LHX9: variants seen among roughly 807,000 people sequenced by gnomAD.
LHX9 encodes LIM/homeobox protein Lhx9.
Under a neutral mutation model 36.5 loss-of-function variants are expected in LHX9, and 9 were observed. The observed-to-expected ratio is 0.25, with a 90% CI of 0.15 to 0.43. LHX9 has a LOEUF of 0.43. Among genes scored for constraint, LHX9 ranks in the 20% least tolerant of loss-of-function variants. The pLI is 1.00. For missense variants in LHX9, 464 were observed against 526.4 expected (o/e 0.88, Z 1.16); for synonymous variants, 211 against 212.1 (o/e 0.99, Z 0.04).
intron 2 of LHX9, 120 bp downstream of exon 2, chr1:197,920,294 C>T (rs1659941683): frequency 1.4e-6 from 1 of 718,712 alleles, no homozygotes; most frequent in Non-Finnish European, 2.1e-6. Flanking sequence ...GTTATCATTT[C>T]GGAGACCAGG....
rs887672618 is a variant in LHX9 at position 197,931,696 on chromosome 1, A to T, written c.*2437A>T. Reference sequence around the variant, plus strand: ...AATACCTTTGAATATATTTGCTTATAACAAAAGTAATGCCCCACTGATTTG... The same window carrying T: ...AATACCTTTGAATATATTTGCTTATTACAAAAGTAATGCCCCACTGATTTG... On this transcript the variant is annotated 3_prime_UTR_variant, in exon 5 of 5. Coordinates refer to ENST00000367387, the MANE Select transcript of LHX9 (RefSeq NM_020204.3). 1.2e-5 allele frequency: 5 copies of T among 429,366 alleles called. No homozygotes were observed. The highest frequency in any genetic ancestry group is 9.9e-5 in the African/African-American group (5 of 50,446). The allele number at this position is 429,366 out of a possible 1,614,324, so 26.6% of individuals were successfully genotyped here.
At chr1:197,923,967 C>T (rs1182697887) in intron 3 of LHX9, among the ~76,000 whole-genome samples, 1 of 152,104 alleles carries the variant, frequency 6.6e-6, no homozygotes, top group Non-Finnish European at 1.5e-5. Flanking sequence ...TTAACATCTA[C>T]TCCATCCTTT....
intron 3 of LHX9, among the ~76,000 whole-genome samples, chr1:197,924,671 T>C (rs1407648664): frequency 6.6e-6 from 1 of 152,206 alleles, no homozygotes; most frequent in Admixed American, 6.5e-5. Flanking sequence ...TCCAAACTTT[T>C]AAGGCTCCTG....
At position 197,921,554 on chromosome 1, in the gene LHX9, G is replaced by A. The variant is rs200168581; in HGVS notation, c.628G>A (p.Gly210Ser). The A allele has an allele frequency of 4.0e-4, 642 of 1,613,536 alleles. 6 individuals are homozygous for A. The East Asian group carries it at 0.013, about 31-fold the overall frequency. ...SYTELAAKSG[G>S]LALPYFNGTG... ...CACGGAGCTGGCGGCCAAGAGCGGC[G>A]GCCTGGCCCTGCCTTACTTCAACGG... Residue 210 changes from glycine (G) to serine (S), a missense_variant, in exon 3 of 5, where the codon GGC becomes AGC. Physicochemically the swap from Gly to Ser is moderately conservative, Grantham distance 56. Transcript: ENST00000367387. This position sits in a 1 kb window ranked among gnomAD's most constrained non-coding sequence, Gnocchi z 4.6.
chr1:197,916,633 C>G (rs750660536), upstream of LHX9: 15 of 702,860 alleles, frequency 2.1e-5, no homozygotes, highest in Non-Finnish European at 3.9e-5. Flanking sequence ...CCCCTACACT[C>G]TAATTTTCTC....
chr1:197,932,823 C>A lies in LHX9; in HGVS notation c.*3564C>A, dbSNP rs1437003439. 1 of 151,890 alleles carries A rather than the reference C, an allele frequency of 6.6e-6. No individual in the cohort carries two copies. The highest frequency in any genetic ancestry group is 1.5e-5 in the Non-Finnish European group (1 of 67,906). The allele number at this position is 151,890 out of a possible 1,614,324, so 9.4% of individuals were successfully genotyped here. A position where few individuals can be genotyped will look rare whatever the true frequency, so the allele number is the denominator to read the frequency against. On this transcript the variant is annotated 3_prime_UTR_variant, in exon 5 of 5. Transcript: ENST00000367387. The stretch of plus-strand genomic sequence containing the variant: ...TTAAAAATAAAAAACAAAGTGAACC[C>A]AAATTACAACAAAATAAACCTTAGA...
At position 197,931,920 on chromosome 1, in the gene LHX9, G is replaced by T; in HGVS notation, c.*2661G>T. 6.5e-7 allele frequency: 1 copy of T among 1,547,464 alleles called. No homozygotes were observed. The highest frequency in any genetic ancestry group is 8.7e-7 in the Non-Finnish European group (1 of 1,144,878). ...AATTGTCACTATGATTTTTTTCAGG[G>T]AGAACAAATCTTGGGGCATTACAGC... is the stretch of plus-strand genomic sequence containing the variant. On this transcript the variant is annotated 3_prime_UTR_variant, in exon 5 of 5. Transcript: ENST00000367387.
rs1571410403 is a variant in LHX9, at chr1:197,932,086, G to C, written c.*2827G>C. The C allele has an allele frequency of 2.1e-6, 1 of 476,450 alleles. No homozygotes were observed. The highest frequency in any genetic ancestry group is 3.5e-6 in the Non-Finnish European group (1 of 287,932). 29.5% of individuals were successfully genotyped at this position (476,450 alleles called of 1,614,324 possible). ...AAAAATTTATTAAGCCAAAAAAAAA[G>C]AGAGAGAGAGAGACTTAAATGTCAT... is the stretch of plus-strand genomic sequence containing the variant. On this transcript the variant is annotated 3_prime_UTR_variant, in exon 5 of 5. Transcript: ENST00000367387.
rs757462527 is a variant in LHX9 at position 197,917,796 on chromosome 1, A to T, written c.-28A>T. On this transcript the variant is annotated 5_prime_UTR_variant, in exon 1 of 5. An upstream start codon of the reference 5' UTR is lost. Coordinates refer to ENST00000367387, the MANE Select transcript of LHX9 (RefSeq NM_020204.3). ...CTGGTCCCTTGCCTCCTTCACTCGG[A>T]TGAGCTGAAAGCCCCGGGCGTGTGT... The T allele has an allele frequency of 1.9e-6, 3 of 1,613,972 alleles. No homozygotes were observed. The highest frequency in any genetic ancestry group is 2.5e-6 in the Non-Finnish European group (3 of 1,179,930).
At chr1:197,915,031 A>G (rs1220906583), upstream of LHX9, among the ~76,000 whole-genome samples, 1 of 152,070 alleles carries the variant, frequency 6.6e-6, no homozygotes, top group Non-Finnish European at 1.5e-5. Context: ...TTTTTCCTGG[A>G]GTTGTTTAAC....
In LHX9 at chr1:197,917,746, C is replaced by G; in HGVS notation, c.-78C>G. The stretch of plus-strand genomic sequence containing the variant: ...TCTTTCCCTCCATCCTCGAGCGTCT[C>G]TGCGCTCCTACAGGGCAGCCCTCTC... On this transcript the variant is annotated 5_prime_UTR_variant, in exon 1 of 5. Transcript: ENST00000367387. The G allele has an allele frequency of 6.2e-7, 1 of 1,605,722 alleles. No individual in the cohort carries two copies. The highest frequency in any genetic ancestry group is 8.5e-7 in the Non-Finnish European group (1 of 1,177,646).
Position 197,932,820 on chromosome 1 carries a change from A to G in LHX9, c.*3561A>G, listed in dbSNP as rs1426047910. On this transcript the variant is annotated 3_prime_UTR_variant, in exon 5 of 5. Transcript: ENST00000367387. Reference sequence around the variant, plus strand: ...GTATTAAAAATAAAAAACAAAGTGAACCCAAATTACAACAAAATAAACCTT... The same window carrying G: ...GTATTAAAAATAAAAAACAAAGTGAGCCCAAATTACAACAAAATAAACCTT... 5 of 152,224 alleles carry G rather than the reference A, an allele frequency of 3.3e-5. No homozygotes were observed. The East Asian group carries it at 9.6e-4, about 29-fold the overall frequency. 9.4% of individuals were successfully genotyped at this position (152,224 alleles called of 1,614,324 possible). A position where few individuals can be genotyped will look rare whatever the true frequency, so the allele number is the denominator to read the frequency against.
At chr1:197,924,236 C>T (rs545162989) in intron 3 of LHX9, among the ~76,000 whole-genome samples, 15 of 152,172 alleles carry the variant, frequency 9.9e-5, no homozygotes, top group Admixed American at 3.3e-4. Flanking sequence ...TTTTGTCTTG[C>T]TATCTTTCAT....
In LHX9 at chr1:197,929,532, ATAATTC is replaced by A. The variant is rs1430317603; in HGVS notation, c.*278_*283del. On this transcript the variant is annotated 3_prime_UTR_variant, in exon 5 of 5. Transcript: ENST00000367387. ...TTCAGTTGGTAAGGAGAGTTTTTGA[ATAATTC>A]TAATAAGTGCCTCTTAAAATTGTAT... 48 of 952,456 alleles carry A rather than the reference ATAATTC, an allele frequency of 5.0e-5. No homozygotes were observed. Among genetic ancestry groups the A allele is most frequent in the Non-Finnish European group, 5.9e-5 (47 of 796,264 alleles). The allele number at this position is 952,456 out of a possible 1,614,324, so 59.0% of individuals were successfully genotyped here.
Position 197,921,872 on chromosome 1 carries a change from A to G in LHX9, c.733+213A>G, listed in dbSNP as rs1374343174. Reference sequence around the variant, plus strand: ...GCACTTTATTTAGGTTGTGGCAAAAAACACATTCATAACTATGGGGCTGTA... The same window carrying G: ...GCACTTTATTTAGGTTGTGGCAAAAGACACATTCATAACTATGGGGCTGTA... On this transcript the variant is annotated intron_variant, in intron 3 of 4. Coordinates refer to ENST00000367387, the MANE Select transcript of LHX9 (RefSeq NM_020204.3). This position sits in a 1 kb window ranked among gnomAD's most constrained non-coding sequence, Gnocchi z 4.6. 3.3e-5 allele frequency among the ~76,000 whole-genome samples: 5 copies of G among 152,168 alleles called. No homozygotes were observed. The highest frequency in any genetic ancestry group is 7.3e-5 in the Non-Finnish European group (5 of 68,036).
At position 197,917,721 on chromosome 1, in the gene LHX9, T is replaced by C; in HGVS notation, c.-103T>C. On this transcript the variant is annotated 5_prime_UTR_variant, in exon 1 of 5. Coordinates refer to ENST00000367387, the MANE Select transcript of LHX9 (RefSeq NM_020204.3). ...TGTTTCTTCTCCTCCTTTCTCTCCC[T>C]CTTTCCCTCCATCCTCGAGCGTCTC... 1 of 1,593,144 alleles carries C rather than the reference T, an allele frequency of 6.3e-7. No homozygotes were observed. The highest frequency in any genetic ancestry group is 1.9e-5 in the Admixed American group (1 of 53,570).
At chr1:197,918,291 C>G in intron 1 of LHX9, 1 of 717,538 alleles carries the variant, frequency 1.4e-6, no homozygotes, top group South Asian at 1.5e-5. Context: ...CTACAGACCT[C>G]AAGGTTCCCT....
rs574130494 is a variant in LHX9 at position 197,933,669 on chromosome 1, G to A, written c.*4410G>A. The A allele has an allele frequency of 4.0e-5, 6 of 150,640 alleles. 1 individual carries two copies. The East Asian group carries it at 9.7e-4, about 24-fold the overall frequency. The allele number at this position is 150,640 out of a possible 1,614,324, so 9.3% of individuals were successfully genotyped here. ...GTGAAATGCAGGAAGAGACCAGAGA[G>A]GGAAAGAACATAACTGAAATTAGAC... On this transcript the variant is annotated 3_prime_UTR_variant, in exon 5 of 5. Transcript: ENST00000367387.
chr1:197,918,139 C>A, intron 1 of LHX9, 142 bp downstream of exon 1: 1 of 850,084 alleles, frequency 1.2e-6, no homozygotes, highest in Non-Finnish European at 1.9e-6. Context: ...TTTCTCCCGT[C>A]CACCTATGCC....
Sources: gnomAD v4.1 joint callset for allele counts (sites outside exome capture counted in the v4.1 genomes callset) on GRCh38, gnomAD v4.1.1 for gene constraint, Gnocchi (gnomAD v3.1) non-coding constraint, MANE v1.5 for transcripts, NCBI Gene and HGNC (gene_info 2026-07-23, HGNC 2026-07-21) for gene names.